Variants in CCDC174 observed in about 807,000 individuals in gnomAD.
CCDC174 encodes the protein coiled-coil domain-containing protein 174.
CCDC174 carries 37 observed loss-of-function variants against 57.1 expected under a neutral mutation model. The ratio of observed to expected loss-of-function variants is 0.65; its 90% CI spans 0.50 to 0.85. The LOEUF is 0.85. Among genes scored for constraint, CCDC174 ranks in the 40% least tolerant of loss-of-function variants. CCDC174 has a pLI of 0.00. For missense variants in CCDC174, 540 were observed against 574.3 expected, an observed-to-expected ratio of 0.94 and a Z score of 0.61; for synonymous variants, 182 against 190.2, an observed-to-expected ratio of 0.96 and a Z score of 0.35.
rs774820022 is a variant in CCDC174, at chr3:14,651,794, G to A, written c.-43G>A. 4.3e-6 allele frequency: 7 copies of A among 1,609,634 alleles called. No individual in the cohort carries two copies. Among genetic ancestry groups the A allele is most frequent in the Non-Finnish European group, 4.3e-6 (5 of 1,176,054 alleles). Reference sequence around the variant, plus strand: ...AGGTAGGCTTACGAGGCCTGTGTCGGGTAGAAAGGGTCCTTCCTGGACCGG... The same window carrying A: ...AGGTAGGCTTACGAGGCCTGTGTCGAGTAGAAAGGGTCCTTCCTGGACCGG... On this transcript the variant is annotated 5_prime_UTR_variant, in exon 1 of 11. Coordinates refer to ENST00000383794, the MANE Select transcript of CCDC174 (RefSeq NM_016474.5).
rs1256242395 is a variant in CCDC174 at position 14,654,513 on chromosome 3, C to CTACTAACAAGGTAA, written c.130_131insTACTAACAAGGTAA (p.Pro44LeufsTer5). 6.5e-7 allele frequency: 1 copy of CTACTAACAAGGTAA among 1,536,242 alleles called. No individual in the cohort carries two copies. The highest frequency in any genetic ancestry group is 2.3e-5 in the East Asian group (1 of 44,282). On this transcript the variant is annotated stop_gained and frameshift_variant, in exon 2 of 11. Transcript: ENST00000383794. LOFTEE classifies it high-confidence loss of function. The stretch of plus-strand genomic sequence containing the variant: ...AAAAGATTCTGGAGTTTTTGGAAAA[C>CTACTAACAAGGTAA]CAAAAACAACTAACAAGGTAAAAAA...
At chr3:14,661,471 T>G in intron 4 of CCDC174, 59 bp from the exon 5 acceptor site, 2 of 1,470,208 alleles carry the variant, frequency 1.4e-6, no homozygotes, top group Non-Finnish European at 9.3e-7. Context: ...GACTGCTTCT[T>G]GTCCATTCCA....
intron 10 of CCDC174, 144 bp from the exon 11 acceptor site, chr3:14,670,752 A>T: frequency 1.5e-6 from 1 of 683,418 alleles, no homozygotes; most frequent in East Asian, 2.7e-5. Flanking sequence ...ATACCTTGTA[A>T]TATAGTTTTG....
intron 5 of CCDC174, among the ~76,000 whole-genome samples, chr3:14,664,047 T>C (rs2031238300): frequency 6.7e-6 from 1 of 148,688 alleles, no homozygotes; most frequent in Non-Finnish European, 1.5e-5. Flanking sequence ...CCCCATCCAT[T>C]TGGGGGGAAA....
chr3:14,652,857 G>A (rs1344010729), intron 1 of CCDC174, among the ~76,000 whole-genome samples: 1 of 142,816 alleles, frequency 7.0e-6, no homozygotes, highest in Non-Finnish European at 1.5e-5. Flanking sequence ...AGCCGAGATC[G>A]CGCAATTGCA....
At position 14,659,018 on chromosome 3, in the gene CCDC174, A is replaced by G. The variant is rs1041137011; in HGVS notation, c.307+89A>G. 6.5e-6 allele frequency: 8 copies of G among 1,235,128 alleles called. 1 individual carries two copies. Among genetic ancestry groups the G allele is most frequent in the Non-Finnish European group, 8.7e-6 (8 of 916,270 alleles). 76.5% of individuals were successfully genotyped at this position (1,235,128 alleles called of 1,614,324 possible). A position where few individuals can be genotyped will look rare whatever the true frequency, so the allele number is the denominator to read the frequency against. ...TACTTGTTAAAATAACTGTAGGAGTAGAGAGAAAATTTAGACGTCAAAATT... is the reference window on the plus strand; with the variant it reads ...TACTTGTTAAAATAACTGTAGGAGTGGAGAGAAAATTTAGACGTCAAAATT... On this transcript the variant is annotated intron_variant, in intron 4 of 10. Transcript: ENST00000383794.
chr3:14,666,603 A>G (rs1241735078), intron 6 of CCDC174, among the ~76,000 whole-genome samples: 2 of 151,964 alleles, frequency 1.3e-5, no homozygotes, highest in African/African-American at 4.8e-5. Flanking sequence ...AGCCTGGGCG[A>G]CAGAGCAAGA....
chr3:14,667,870 T>A, intron 8 of CCDC174, 179 bp from the exon 9 acceptor site: 2 of 614,188 alleles, frequency 3.3e-6, no homozygotes. Context: ...TTGTAAGACA[T>A]CAGAGGGTTC....
intron 10 of CCDC174, among the ~76,000 whole-genome samples, 168 bp from the exon 11 acceptor site, chr3:14,670,728 T>G (rs2031481194): frequency 6.6e-6 from 1 of 152,244 alleles, no homozygotes; most frequent in Non-Finnish European, 1.5e-5. Context: ...TTATACTCGT[T>G]GTAGGTATTA....
At chr3:14,668,394 AC>A (rs1327248031) in intron 9 of CCDC174, among the ~76,000 whole-genome samples, 1 of 152,234 alleles carries the variant, frequency 6.6e-6, no homozygotes, top group Non-Finnish European at 1.5e-5. Flanking sequence ...ATATGAAGCA[AC>A]AATACATTGT....
At chr3:14,653,246 A>G (rs1422053778) in intron 1 of CCDC174, among the ~76,000 whole-genome samples, 1 of 152,206 alleles carries the variant, frequency 6.6e-6, no homozygotes, top group Admixed American at 6.5e-5. Flanking sequence ...GAGAATTTAC[A>G]TTTTTTTGAG....
chr3:14,671,173 C>A lies in CCDC174; in HGVS notation c.1383C>A (p.Ser461=). ...VTFKTLDDMI[S]YYKQVT is the part of the protein sequence containing the mutation. ...TCAAAACTCTGGATGACATGATTTC[C>A]TATTACAAACAAGTGACATGATCTT... Residue 461 remains serine, a synonymous_variant, in exon 11 of 11, where the codon TCC becomes TCA. Transcript: ENST00000383794. 1 of 1,610,350 alleles carries A rather than the reference C, an allele frequency of 6.2e-7. No individual in the cohort carries two copies. The highest frequency in any genetic ancestry group is 8.5e-7 in the Non-Finnish European group (1 of 1,177,154).
chr3:14,654,352 A>G (rs1174525403), intron 1 of CCDC174, 74 bp from the exon 2 acceptor site: 12 of 780,626 alleles, frequency 1.5e-5, no homozygotes, highest in South Asian at 4.9e-5. Context: ...ATTCCTTTGG[A>G]AATTATAATA....
At chr3:14,660,098 CCTTCTTCCTGAAGGGGCAGCAGGAT>C (rs1403543438) in intron 4 of CCDC174, among the ~76,000 whole-genome samples, 1 of 152,232 alleles carries the variant, frequency 6.6e-6, no homozygotes, top group African/African-American at 2.4e-5. Context: ...AGAGGTTTTG[CCTTCTTCCTGAAGGGGCAGCAGGAT>C]GGCCGCCTAC....
intron 4 of CCDC174, 117 bp from the exon 5 acceptor site, chr3:14,661,413 T>C (rs1234023217): frequency 7.8e-6 from 6 of 764,432 alleles, no homozygotes. Flanking sequence ...AGTGGAGGCA[T>C]TGGCTGATGA....
chr3:14,659,826 G>A (rs2031071740), intron 4 of CCDC174, among the ~76,000 whole-genome samples: 1 of 152,220 alleles, frequency 6.6e-6, no homozygotes, highest in South Asian at 2.1e-4. Flanking sequence ...AGTCTTTTGG[G>A]AGAAGTTGGG....
chr3:14,655,888 T>C (rs994563080), intron 3 of CCDC174, among the ~76,000 whole-genome samples: 1 of 152,210 alleles, frequency 6.6e-6, no homozygotes, highest in Non-Finnish European at 1.5e-5. Context: ...CAATACATTT[T>C]TAAGAGGTTT....
At chr3:14,655,143 C>G (rs1219484483) in intron 2 of CCDC174, among the ~76,000 whole-genome samples, 2 of 152,014 alleles carry the variant, frequency 1.3e-5, no homozygotes, top group Non-Finnish European at 2.9e-5. Flanking sequence ...TGGCAAAACC[C>G]CGTCTCTACA....
chr3:14,654,975 T>G (rs2124830280), intron 2 of CCDC174, among the ~76,000 whole-genome samples: 1 of 152,372 alleles, frequency 6.6e-6, no homozygotes, highest in South Asian at 2.1e-4. Flanking sequence ...TGATTTAGGT[T>G]GTAATCATTC....
Sources: gnomAD v4.1 joint callset for allele counts (sites outside exome capture counted in the v4.1 genomes callset) on GRCh38, gnomAD v4.1.1 for gene constraint, MANE v1.5 for transcripts, NCBI Gene and HGNC (gene_info 2026-07-23, HGNC 2026-07-21) for gene names.